Variants in SDC2 observed in about 807,000 individuals in gnomAD.
SDC2 encodes syndecan-2.
A neutral mutation model predicts 22.2 loss-of-function variants in SDC2; 13 were observed. The ratio of observed to expected loss-of-function variants is 0.59; its 90% CI spans 0.38 to 0.93. The LOEUF (loss-of-function observed/expected upper bound fraction) is 0.93, where lower values mean the gene tolerates loss of function less well. SDC2 is among the 40% of genes least tolerant of loss of function. The pLI is 0.00. For synonymous variants in SDC2, 94 were observed against 92.8 expected, an observed-to-expected ratio of 1.01 and a Z score of -0.07; for missense variants, 235 against 246.8, an observed-to-expected ratio of 0.95 and a Z score of 0.32.
intron 1 of SDC2, among the ~76,000 whole-genome samples, chr8:96,549,226 A>T (rs1377441376): frequency 6.6e-6 from 1 of 152,200 alleles, no homozygotes; most frequent in African/African-American, 2.4e-5. Flanking sequence ...ATATTTCTAA[A>T]CTTTCTCCTT....
chr8:96,501,262 AT>A lies in SDC2; in HGVS notation c.60+6939del, dbSNP rs574178673. Among the ~76,000 whole-genome samples, 447 of 139,210 alleles carry A rather than the reference AT, an allele frequency of 3.2e-3. 4 individuals carry two copies. The highest frequency in any genetic ancestry group is 0.021 in the Admixed American group (289 of 13,842). 91.3% of individuals were successfully genotyped at this position (139,210 alleles called of 152,430 possible). ...CAAGATACGCAATTATTAAAGGAAA[AT>A]TTTTTTTAAGGGAAAAGTTAAATAC... On this transcript the variant is annotated intron_variant, in intron 1 of 4. Transcript: ENST00000302190.
In SDC2 at chr8:96,601,994, G is replaced by A. The variant is rs966309366; in HGVS notation, c.173-401G>A. On this transcript the variant is annotated intron_variant, in intron 2 of 4. Transcript: ENST00000302190. ...AGGCTGGTCTCGATCTCCTGACCTC[G>A]TGATCCGCTCTCCTCGGCCTCCCAA... 4.6e-5 allele frequency among the ~76,000 whole-genome samples: 7 copies of A among 152,058 alleles called. No individual in the cohort carries two copies. In the East Asian group the frequency reaches 5.8e-4, roughly 13 times the overall value.
chr8:96,544,648 A>G (rs1813904120), intron 1 of SDC2, among the ~76,000 whole-genome samples: 1 of 152,080 alleles, frequency 6.6e-6, no homozygotes, highest in Admixed American at 6.5e-5. Flanking sequence ...TCTCAAGGGC[A>G]CTGGCCATTT....
chr8:96,601,782 CAG>C (rs1156469047), intron 2 of SDC2, among the ~76,000 whole-genome samples: 3 of 151,634 alleles, frequency 2.0e-5, no homozygotes, highest in African/African-American at 7.3e-5. Context: ...TTATTTTTGG[CAG>C]AGTCTCACCC....
At chr8:96,519,025 G>A (rs921822377) in intron 1 of SDC2, among the ~76,000 whole-genome samples, 6 of 152,042 alleles carry the variant, frequency 3.9e-5, no homozygotes, top group African/African-American at 1.2e-4. Context: ...TCCAGCCTAC[G>A]CTCAACAAAA....
intron 1 of SDC2, among the ~76,000 whole-genome samples, chr8:96,568,906 GAA>G (rs1255831183): frequency 5.3e-5 from 8 of 152,182 alleles, no homozygotes; most frequent in Non-Finnish European, 2.9e-5. Flanking sequence ...GAAGAGTAAG[GAA>G]AAGTCACTGG....
intron 1 of SDC2, among the ~76,000 whole-genome samples, chr8:96,525,763 A>G (rs189113080): frequency 1.2e-3 from 179 of 152,280 alleles, no homozygotes; most frequent in Admixed American, 6.7e-3. Flanking sequence ...CCTGGAAAAA[A>G]TACTGCTTGG....
chr8:96,570,737 T>A (rs939448067), intron 1 of SDC2, among the ~76,000 whole-genome samples: 10 of 152,176 alleles, frequency 6.6e-5, no homozygotes, highest in African/African-American at 2.4e-4. Context: ...TCTCAATAAT[T>A]TTTACATTGA....
rs1302162430 is a variant in SDC2 at position 96,611,140 on chromosome 8, G to T, written c.*1592G>T. 2.6e-5 allele frequency: 4 copies of T among 152,572 alleles called. No individual in the cohort carries two copies. Among genetic ancestry groups the T allele is most frequent in the Admixed American group, 6.5e-5 (1 of 15,272 alleles). 9.5% of individuals were successfully genotyped at this position (152,572 alleles called of 1,614,324 possible). On this transcript the variant is annotated 3_prime_UTR_variant, in exon 5 of 5. Coordinates refer to ENST00000302190, the MANE Select transcript of SDC2 (RefSeq NM_002998.4). ...ACAGGGAAGGAGGGTAGGCAGGGAG[G>T]CTCTGTGTGTTAAAATGAGGGTCTC...
chr8:96,498,432 C>T (rs754129884), intron 1 of SDC2, among the ~76,000 whole-genome samples: 3 of 151,786 alleles, frequency 2.0e-5, no homozygotes, highest in Non-Finnish European at 2.9e-5. Flanking sequence ...GCAAAGAAGT[C>T]GGGGTTTGGA....
chr8:96,501,201 G>T (rs1288191914), intron 1 of SDC2, among the ~76,000 whole-genome samples: 4 of 143,204 alleles, frequency 2.8e-5, no homozygotes, highest in African/African-American at 1.0e-4. Context: ...GCAATTAATA[G>T]AATTTAGTCT....
intron 1 of SDC2, among the ~76,000 whole-genome samples, chr8:96,546,473 C>A (rs1813933830): frequency 6.6e-6 from 1 of 152,072 alleles, no homozygotes; most frequent in South Asian, 2.1e-4. Context: ...GCTTGAAGAA[C>A]AAAGAAGGCC....
chr8:96,527,484 C>A (rs113897233), intron 1 of SDC2, among the ~76,000 whole-genome samples: 2,091 of 152,300 alleles, frequency 0.014, 47 homozygotes, highest in East Asian at 0.067. Context: ...CTCCTACTTA[C>A]ATGCCCGTCA....
At chr8:96,506,888 A>T (rs1245992821) in intron 1 of SDC2, among the ~76,000 whole-genome samples, 1 of 152,022 alleles carries the variant, frequency 6.6e-6, no homozygotes, top group Non-Finnish European at 1.5e-5. Context: ...GGGCGCCTGT[A>T]GTCCCAGCTA....
Position 96,494,186 on chromosome 8 carries a change from G to T in SDC2, c.-86G>T. 1 of 1,381,330 alleles carries T rather than the reference G, an allele frequency of 7.2e-7. No homozygotes were observed. The highest frequency in any genetic ancestry group is 2.6e-5 in the East Asian group (1 of 38,938). The allele number at this position is 1,381,330 out of a possible 1,614,324, so 85.6% of individuals were successfully genotyped here. The stretch of plus-strand genomic sequence containing the variant: ...GCGGTACTCTGCTCCGGATTCGTGT[G>T]CGCGGGCTGCGCCGAGCGCTGGGCA... On this transcript the variant is annotated 5_prime_UTR_variant, in exon 1 of 5. Transcript: ENST00000302190.
At chr8:96,607,895 G>A (rs544272437) in intron 3 of SDC2, among the ~76,000 whole-genome samples, 8 of 152,260 alleles carry the variant, frequency 5.3e-5, no homozygotes, top group South Asian at 2.1e-4. Context: ...CCAGTCAGGC[G>A]TGAGAGAATA....
intron 1 of SDC2, among the ~76,000 whole-genome samples, chr8:96,570,049 T>C (rs1176816073): frequency 6.6e-6 from 1 of 152,244 alleles, no homozygotes; most frequent in Non-Finnish European, 1.5e-5. Flanking sequence ...TGCTAAGTGC[T>C]AGGCATTGTT....
At chr8:96,561,157 C>T (rs1166565359) in intron 1 of SDC2, among the ~76,000 whole-genome samples, 1 of 152,120 alleles carries the variant, frequency 6.6e-6, no homozygotes, top group Non-Finnish European at 1.5e-5. Context: ...AATAATTCTT[C>T]AAAGCCGGGC....
intron 1 of SDC2, among the ~76,000 whole-genome samples, chr8:96,522,833 A>C (rs1813517887): frequency 1.3e-5 from 2 of 152,144 alleles, no homozygotes; most frequent in African/African-American, 4.8e-5. Context: ...ACTGCTTCCA[A>C]ATTGTCACCC....
Sources: allele counts gnomAD v4.1 joint callset (sites outside exome capture counted in the v4.1 genomes callset), GRCh38; gene constraint gnomAD v4.1.1; transcripts MANE v1.5; gene names NCBI Gene and HGNC (gene_info 2026-07-23, HGNC 2026-07-21).